The following SIPA1L2 variants were observed in gnomAD, a reference collection of about 807,000 sequenced individuals.
The protein encoded by SIPA1L2 is signal-induced proliferation-associated 1-like protein 2.
Under a neutral mutation model 163.9 loss-of-function variants are expected in SIPA1L2, and 56 were observed. The observed-to-expected ratio is 0.34, with a 90% CI of 0.28 to 0.43. The LOEUF (loss-of-function observed/expected upper bound fraction) is 0.43, where lower values mean the gene tolerates loss of function less well. Among genes scored for constraint, SIPA1L2 ranks in the 20% least tolerant of loss-of-function variants. The pLI, the probability that SIPA1L2 is intolerant of heterozygous loss-of-function variation, is 1.00. For missense variants in SIPA1L2, 1,974 were observed against 2,193.5 expected (o/e 0.90, Z 2.00); for synonymous variants, 877 against 865.7 (o/e 1.01, Z -0.23).
intron 15 of SIPA1L2, among the ~76,000 whole-genome samples, chr1:232,432,839 T>C (rs746418943): frequency 1.3e-5 from 2 of 152,122 alleles, no homozygotes; most frequent in Non-Finnish European, 2.9e-5. Context: ...GAAATGCCAA[T>C]GCAAACCACA....
intron 2 of SIPA1L2, among the ~76,000 whole-genome samples, chr1:232,544,983 C>T (rs1040738843): frequency 2.0e-5 from 3 of 152,178 alleles, no homozygotes; most frequent in African/African-American, 7.2e-5. Context: ...ACGGGACAGG[C>T]CCAGTGACAC....
At chr1:232,425,076 T>C (rs1026502703) in intron 18 of SIPA1L2, among the ~76,000 whole-genome samples, 3 of 152,146 alleles carry the variant, frequency 2.0e-5, no homozygotes, top group African/African-American at 4.8e-5. Context: ...ACACACGTCA[T>C]CTGCACAGGA....
intron 6 of SIPA1L2, 135 bp from the exon 7 acceptor site, chr1:232,479,865 C>T (rs1665236393): frequency 4.5e-6 from 3 of 660,504 alleles, no homozygotes; most frequent in South Asian, 1.8e-5. Context: ...GGATGCTGCC[C>T]ATCCAGCTTT....
At chr1:232,402,761 C>G (rs978011854) in intron 21 of SIPA1L2, 1 of 218,490 alleles carries the variant, frequency 4.6e-6, no homozygotes, top group East Asian at 1.1e-4. Context: ...AAGGAAGACC[C>G]AAATGAAGTC....
chr1:232,500,448 G>A (rs1226076206), intron 3 of SIPA1L2, among the ~76,000 whole-genome samples: 2 of 152,246 alleles, frequency 1.3e-5, no homozygotes, highest in Non-Finnish European at 1.5e-5. Flanking sequence ...TATGATTCAT[G>A]AGAGGATGTT....
chr1:232,589,874 T>C (rs1660873591), intron 1 of SIPA1L2, among the ~76,000 whole-genome samples: 1 of 152,154 alleles, frequency 6.6e-6, no homozygotes, highest in South Asian at 2.1e-4. Context: ...TCCTTATCTA[T>C]AGTAAGGCAT....
intron 10 of SIPA1L2, among the ~76,000 whole-genome samples, chr1:232,459,569 G>T (rs948452380): frequency 6.6e-6 from 1 of 152,110 alleles, no homozygotes; most frequent in Admixed American, 6.5e-5. Context: ...CTGGCGTACA[G>T]AGGCACGATC....
In SIPA1L2 at chr1:232,471,313, A is replaced by G. The variant is rs980793647; in HGVS notation, c.2243+58T>C. ...TTGGCAAACAAAGATATTTTTGGGA[A>G]AAGACGCCCTGTTGAAATAAACCTG... On this transcript the variant is annotated intron_variant, in intron 8 of 22. Transcript: ENST00000674635. 5 of 1,535,770 alleles carry G rather than the reference A, an allele frequency of 3.3e-6. No homozygotes were observed. In the African/African-American group the frequency reaches 7.1e-5, roughly 22 times the overall value.
intron 3 of SIPA1L2, among the ~76,000 whole-genome samples, chr1:232,505,036 A>G (rs1453387190): frequency 6.6e-6 from 1 of 152,234 alleles, no homozygotes; most frequent in Non-Finnish European, 1.5e-5. Context: ...TGACATAAAA[A>G]CGGTATCTTG....
intron 18 of SIPA1L2, among the ~76,000 whole-genome samples, chr1:232,424,298 C>T (rs1278610017): frequency 3.1e-5 from 3 of 96,206 alleles, no homozygotes; most frequent in East Asian, 6.8e-4. Context: ...TCTAAGAAGT[C>T]TATTTTTTTT....
chr1:232,571,168 G>A (rs1659703136), intron 2 of SIPA1L2, among the ~76,000 whole-genome samples: 1 of 152,116 alleles, frequency 6.6e-6, no homozygotes, highest in Non-Finnish European at 1.5e-5. Context: ...AAAGATAAAT[G>A]AGCAAAACAA....
chr1:232,588,027 C>CT (rs1310867792), intron 1 of SIPA1L2, among the ~76,000 whole-genome samples: 1 of 152,290 alleles, frequency 6.6e-6, no homozygotes, highest in African/African-American at 2.4e-5. Context: ...TCGGGTATGT[C>CT]TTTATCAGCA....
intron 1 of SIPA1L2, among the ~76,000 whole-genome samples, chr1:232,584,358 G>A (rs539405640): frequency 6.6e-6 from 1 of 152,300 alleles, no homozygotes; most frequent in South Asian, 2.1e-4. Context: ...CCGAGTAGAT[G>A]AGACTACAGG....
intron 7 of SIPA1L2, among the ~76,000 whole-genome samples, chr1:232,479,281 A>G (rs1480720848): frequency 6.6e-6 from 1 of 152,228 alleles, no homozygotes; most frequent in Non-Finnish European, 1.5e-5. Context: ...AGTATTCTCT[A>G]TAAATAAGCT....
intron 2 of SIPA1L2, among the ~76,000 whole-genome samples, chr1:232,551,723 T>C (rs942185305): frequency 2.6e-5 from 4 of 152,248 alleles, no homozygotes; most frequent in Non-Finnish European, 5.9e-5. Flanking sequence ...TCCTGTGAAC[T>C]GTAAAAGCCT....
intron 2 of SIPA1L2, among the ~76,000 whole-genome samples, chr1:232,519,167 C>T (rs1667344906): frequency 6.6e-6 from 1 of 152,146 alleles, no homozygotes; most frequent in South Asian, 2.1e-4. Flanking sequence ...ACTTCCATAC[C>T]AGCCAAATGA....
chr1:232,579,659 A>G (rs1660268090), intron 1 of SIPA1L2, among the ~76,000 whole-genome samples: 1 of 152,224 alleles, frequency 6.6e-6, no homozygotes, highest in Non-Finnish European at 1.5e-5. Flanking sequence ...CATGCAATCT[A>G]ATCTAACCTC....
chr1:232,428,654 C>A, intron 16 of SIPA1L2, 90 bp from the exon 17 acceptor site: 1 of 993,308 alleles, frequency 1.0e-6, no homozygotes. Context: ...TTTCAACAGC[C>A]ACAAACGCAT....
intron 10 of SIPA1L2, among the ~76,000 whole-genome samples, chr1:232,449,997 T>C (rs1663474704): frequency 6.6e-6 from 1 of 152,190 alleles, no homozygotes; most frequent in Non-Finnish European, 1.5e-5. Flanking sequence ...CATCCTAACT[T>C]TTGGCTTGGG....
Sources: gnomAD v4.1 joint callset for allele counts (sites outside exome capture counted in the v4.1 genomes callset) on GRCh38, gnomAD v4.1.1 for gene constraint, MANE v1.5 for transcripts, NCBI Gene and HGNC (gene_info 2026-07-23, HGNC 2026-07-21) for gene names.